CACNG3: variants seen among roughly 807,000 people sequenced by gnomAD.
CACNG3 encodes voltage-dependent calcium channel gamma-3 subunit.
In CACNG3, 3 loss-of-function variants were observed where a neutral mutation model predicts 28.5. That is an observed-to-expected ratio of 0.11 (90% CI 0.05 to 0.27). The LOEUF is 0.27. Among genes scored for constraint, CACNG3 ranks in the 10% least tolerant of loss-of-function variants. The pLI is 1.00. For missense variants in CACNG3, 236 were observed against 414.4 expected, an observed-to-expected ratio of 0.57 and a Z score of 3.74; for synonymous variants, 174 against 162.2, an observed-to-expected ratio of 1.07 and a Z score of -0.55.
At chr16:24,329,734 T>C (rs1215429653) in intron 1 of CACNG3, among the ~76,000 whole-genome samples, 4 of 152,222 alleles carry the variant, frequency 2.6e-5, no homozygotes, top group Admixed American at 6.5e-5. Context: ...CTTACAGGAT[T>C]AGAAAACAAC....
At chr16:24,355,031 A>C in intron 3 of CACNG3, 58 bp downstream of exon 3, 4 of 1,545,884 alleles carry the variant, frequency 2.6e-6, no homozygotes, top group Non-Finnish European at 3.6e-6. Context: ...AGCCAGGGCC[A>C]CATGGAGGAA....
chr16:24,334,724 CT>C (rs1899677806), intron 1 of CACNG3, among the ~76,000 whole-genome samples: 1 of 152,236 alleles, frequency 6.6e-6, no homozygotes, highest in Non-Finnish European at 1.5e-5. Context: ...TCAGAGCTGT[CT>C]TTGAATGACC....
chr16:24,306,767 C>T (rs1443328225), intron 1 of CACNG3, among the ~76,000 whole-genome samples: 2 of 152,132 alleles, frequency 1.3e-5, no homozygotes, highest in African/African-American at 4.8e-5. Flanking sequence ...GCCCTTCATT[C>T]AGCCCACCCA....
At chr16:24,260,443 C>T (rs1440425138) in intron 1 of CACNG3, among the ~76,000 whole-genome samples, 9 of 152,142 alleles carry the variant, frequency 5.9e-5, no homozygotes, top group Non-Finnish European at 1.0e-4. Flanking sequence ...ACTATTATTA[C>T]CCTCATTTTA....
At chr16:24,349,889 G>A (rs544720232) in intron 2 of CACNG3, among the ~76,000 whole-genome samples, 1 of 152,158 alleles carries the variant, frequency 6.6e-6, no homozygotes, top group Non-Finnish European at 1.5e-5. Flanking sequence ...GACAGCAGAA[G>A]GTTCAAAGCC....
At chr16:24,349,101 T>A (rs1026130591) in intron 2 of CACNG3, among the ~76,000 whole-genome samples, 3 of 152,244 alleles carry the variant, frequency 2.0e-5, no homozygotes, top group Admixed American at 6.5e-5. Flanking sequence ...CACGTAGGGC[T>A]GGGAGCACAT....
intron 1 of CACNG3, among the ~76,000 whole-genome samples, chr16:24,317,681 A>G (rs1010474742): frequency 1.4e-4 from 15 of 105,828 alleles, no homozygotes; most frequent in Non-Finnish European, 2.7e-4. Context: ...AGAAAGAAAG[A>G]AAGAAAGAAA....
At chr16:24,299,576 G>A (rs1316915041) in intron 1 of CACNG3, among the ~76,000 whole-genome samples, 1 of 152,196 alleles carries the variant, frequency 6.6e-6, no homozygotes, top group African/African-American at 2.4e-5. Flanking sequence ...TCCTGTCAAT[G>A]TAAAGAGCTT....
rs187876115 is a variant in CACNG3, at chr16:24,262,699, G to A, written c.211+5734G>A. Among the ~76,000 whole-genome samples, 11 of 152,250 alleles carry A rather than the reference G, an allele frequency of 7.2e-5. No individual in the cohort carries two copies. In the South Asian group the frequency reaches 8.3e-4, roughly 11 times the overall value. On this transcript the variant is annotated intron_variant, in intron 1 of 3. Transcript: ENST00000005284. The stretch of plus-strand genomic sequence containing the variant: ...CATATTTTAAATCTCATTCCCAGTC[G>A]TATCATCATCGGTGGAAAGAAACTT...
At chr16:24,275,680 CAGTATTTGTTGCCA>C (rs1487155863) in intron 1 of CACNG3, among the ~76,000 whole-genome samples, 1 of 152,128 alleles carries the variant, frequency 6.6e-6, no homozygotes, top group African/African-American at 2.4e-5. Flanking sequence ...AAGCAACTGA[CAGTATTTGTTGCCA>C]AGGATAAAAA....
rs576257250 is a variant in CACNG3 at position 24,300,887 on chromosome 16, A to C, written c.211+43922A>C. On this transcript the variant is annotated intron_variant, in intron 1 of 3. Transcript: ENST00000005284. Reference sequence around the variant, plus strand: ...GCCAACATGAAACCCCATCTCTATGAAAAATACAAAAATTAGCCGGATGTG... The same window carrying C: ...GCCAACATGAAACCCCATCTCTATGCAAAATACAAAAATTAGCCGGATGTG... Among the ~76,000 whole-genome samples, 40 of 152,220 alleles carry C rather than the reference A, an allele frequency of 2.6e-4. No individual in the cohort carries two copies. In the South Asian group the frequency reaches 7.9e-3, roughly 30 times the overall value.
chr16:24,360,669 A>G (rs1900093255), intron 3 of CACNG3, among the ~76,000 whole-genome samples: 1 of 152,174 alleles, frequency 6.6e-6, no homozygotes, highest in African/African-American at 2.4e-5. Context: ...CTCCTCTTTT[A>G]TCTAAACCTG....
intron 3 of CACNG3, among the ~76,000 whole-genome samples, chr16:24,360,847 A>C (rs1053581801): frequency 4.3e-4 from 65 of 152,108 alleles, no homozygotes; most frequent in African/African-American, 1.5e-3. Context: ...CTCAAATGTC[A>C]CCTCATCTTC....
At chr16:24,346,678 G>GA in intron 1 of CACNG3, 56 bp from the exon 2 acceptor site, 1 of 1,181,654 alleles carries the variant, frequency 8.5e-7, no homozygotes, top group Non-Finnish European at 1.2e-6. Flanking sequence ...GACCCAGGCT[G>GA]GCCCCCAGAG....
At chr16:24,336,554 C>T (rs1204839760) in intron 1 of CACNG3, among the ~76,000 whole-genome samples, 4 of 81,546 alleles carry the variant, frequency 4.9e-5, no homozygotes, top group African/African-American at 5.2e-5. Context: ...GGATTACAGG[C>T]GTGAGCCACT....
At chr16:24,319,991 G>A (rs889771075) in intron 1 of CACNG3, among the ~76,000 whole-genome samples, 12 of 152,152 alleles carry the variant, frequency 7.9e-5, no homozygotes, top group Admixed American at 2.0e-4. Context: ...GGCTGGTCTC[G>A]AACTCCTAAC....
intron 1 of CACNG3, among the ~76,000 whole-genome samples, chr16:24,308,839 CAAAA>C (rs71154298): frequency 1.8e-4 from 5 of 27,268 alleles, no homozygotes; most frequent in Non-Finnish European, 2.2e-4. Flanking sequence ...GAACCTACCT[CAAAA>C]AAAAAAAAAA....
chr16:24,329,563 C>T (rs1899604847), intron 1 of CACNG3, among the ~76,000 whole-genome samples: 2 of 152,148 alleles, frequency 1.3e-5, no homozygotes, highest in South Asian at 2.1e-4. Flanking sequence ...GAAATCCAAG[C>T]CCAGGTCTCT....
At chr16:24,313,267 C>G (rs190816593) in intron 1 of CACNG3, among the ~76,000 whole-genome samples, 11 of 152,284 alleles carry the variant, frequency 7.2e-5, no homozygotes, top group Middle Eastern at 3.4e-3. Context: ...AAACAACCCT[C>G]TGAGATAAAT....
Sources: allele counts gnomAD v4.1 joint callset (sites outside exome capture counted in the v4.1 genomes callset), GRCh38; gene constraint gnomAD v4.1.1; transcripts MANE v1.5; gene names NCBI Gene and HGNC (gene_info 2026-07-23, HGNC 2026-07-21).